The following CLEC5A variants were observed in gnomAD, a reference collection of about 807,000 sequenced individuals.
The protein encoded by CLEC5A is C-type lectin domain containing 5A, also known as C-type lectin domain family 5 member A.
In CLEC5A, 15 loss-of-function variants were observed where a neutral mutation model predicts 24.4. That is an observed-to-expected ratio of 0.62 (90% CI 0.41 to 0.95). The LOEUF (loss-of-function observed/expected upper bound fraction) is 0.95, where lower values mean the gene tolerates loss of function less well. Ranked by LOEUF, CLEC5A falls within the 40% of genes least tolerant of loss-of-function variation. CLEC5A has a pLI of 0.00. For missense variants in CLEC5A, 211 were observed against 224.0 expected (o/e 0.94, Z 0.37); for synonymous variants, 71 against 72.6 (o/e 0.98, Z 0.11).
At chr7:141,942,411 T>G (rs1345871285) in intron 4 of CLEC5A, among the ~76,000 whole-genome samples, 1 of 152,090 alleles carries the variant, frequency 6.6e-6, no homozygotes, top group Non-Finnish European at 1.5e-5. Flanking sequence ...TCTCTTGACA[T>G]ATACAAAAAC....
At chr7:141,945,026 A>G (rs574422491) in intron 3 of CLEC5A, among the ~76,000 whole-genome samples, 36 of 152,128 alleles carry the variant, frequency 2.4e-4, no homozygotes, top group Admixed American at 5.2e-4. Flanking sequence ...AGCTGGTTTA[A>G]TCGGGAGAGG....
In CLEC5A at chr7:141,930,212, G is replaced by C; in HGVS notation, c.459C>G (p.Thr153=). 1.9e-6 allele frequency: 3 copies of C among 1,609,628 alleles called. No homozygotes were observed. The highest frequency in any genetic ancestry group is 1.7e-6 in the Non-Finnish European group (2 of 1,176,174). Reference sequence around the variant, plus strand: ...CACAGTTGAAATTCTGATTCTGATTGGTAACACTAAATGAGAAAACAAAAC... The same window carrying C: ...CACAGTTGAAATTCTGATTCTGATTCGTAACACTAAATGAGAAAACAAAAC... ...INNSVFNGNV[T]NQNQNFNCAT... is the part of the protein sequence containing the mutation. The change falls in exon 7 of 7, where the codon ACC becomes ACG. Residue 153 remains threonine (T), a synonymous_variant. Coordinates refer to ENST00000546910, the MANE Select transcript of CLEC5A (RefSeq NM_013252.3).
At chr7:141,940,148 G>C (rs1554441489) in intron 4 of CLEC5A, among the ~76,000 whole-genome samples, 2 of 152,022 alleles carry the variant, frequency 1.3e-5, no homozygotes, top group African/African-American at 4.8e-5. Flanking sequence ...CTTTTCTTCA[G>C]CATATGGATC....
rs190257713 is a variant in CLEC5A, at chr7:141,929,802, C to T, written c.*302G>A. 6.1e-4 allele frequency: 167 copies of T among 275,578 alleles called. 1 individual carries two copies. Among genetic ancestry groups the T allele is most frequent in the African/African-American group, 3.5e-3 (157 of 44,508 alleles). 17.1% of individuals were successfully genotyped at this position (275,578 alleles called of 1,614,324 possible). A position where few individuals can be genotyped will look rare whatever the true frequency, so the allele number is the denominator to read the frequency against. ...TTACTCCCTAGTAGTATGGTATACT[C>T]TGAGGCTAAAATAAAACAAACCCTG... is the stretch of plus-strand genomic sequence containing the variant. On this transcript the variant is annotated 3_prime_UTR_variant, in exon 7 of 7. Transcript: ENST00000546910.
chr7:141,942,537 C>T (rs782428536), intron 4 of CLEC5A, among the ~76,000 whole-genome samples: 3 of 152,022 alleles, frequency 2.0e-5, no homozygotes, highest in Non-Finnish European at 4.4e-5. Context: ...GAGTAATATC[C>T]CACAAGCACA....
At chr7:141,943,045 C>T (rs782497098) in intron 4 of CLEC5A, among the ~76,000 whole-genome samples, 1 of 152,084 alleles carries the variant, frequency 6.6e-6, no homozygotes, top group Non-Finnish European at 1.5e-5. Context: ...AATAGAACTA[C>T]CACATGGCCC....
chr7:141,938,793 C>A (rs1213065375), intron 4 of CLEC5A, among the ~76,000 whole-genome samples: 4 of 152,130 alleles, frequency 2.6e-5, no homozygotes, highest in African/African-American at 9.7e-5. Flanking sequence ...TGGTAGCAGA[C>A]CCACAGCGTT....
intron 3 of CLEC5A, 121 bp downstream of exon 3, chr7:141,945,220 T>G: frequency 2.5e-6 from 2 of 803,858 alleles, no homozygotes; most frequent in Admixed American, 3.5e-5. Flanking sequence ...AATTAGAAGA[T>G]CTTTATGGAC....
At chr7:141,941,571 T>C (rs1292899664) in intron 4 of CLEC5A, among the ~76,000 whole-genome samples, 1 of 151,974 alleles carries the variant, frequency 6.6e-6, no homozygotes, top group Non-Finnish European at 1.5e-5. Context: ...GCTGGGAGGC[T>C]TAGCTAGAGC....
chr7:141,932,476 T>G (rs1802496476), intron 5 of CLEC5A, among the ~76,000 whole-genome samples: 1 of 152,254 alleles, frequency 6.6e-6, no homozygotes, highest in African/African-American at 2.4e-5. Context: ...TTCCTATACT[T>G]GTCACATACG....
chr7:141,942,351 G>A (rs934611620), intron 4 of CLEC5A, among the ~76,000 whole-genome samples: 2 of 152,178 alleles, frequency 1.3e-5, no homozygotes, highest in East Asian at 1.9e-4. Flanking sequence ...TCAATAAATG[G>A]TTCTGGGACA....
chr7:141,946,328 C>T lies in CLEC5A; in HGVS notation c.-20-16G>A, dbSNP rs1554442147. 1 of 1,551,274 alleles carries T rather than the reference C, an allele frequency of 6.4e-7. No homozygotes were observed. The highest frequency in any genetic ancestry group is 1.4e-5 in the African/African-American group (1 of 73,418). On this transcript the variant is annotated splice_polypyrimidine_tract_variant and intron_variant, in intron 1 of 6. Coordinates refer to ENST00000546910, the MANE Select transcript of CLEC5A (RefSeq NM_013252.3). ...CTGCAGGGGCCTGTGAAGATTAGAGCACAGCAGCATCAGAATTCGGGTACA... is the reference window on the plus strand; with the variant it reads ...CTGCAGGGGCCTGTGAAGATTAGAGTACAGCAGCATCAGAATTCGGGTACA...
chr7:141,935,439 TAC>T (rs2128961040), intron 5 of CLEC5A, among the ~76,000 whole-genome samples: 1 of 152,342 alleles, frequency 6.6e-6, no homozygotes, highest in Non-Finnish European at 1.5e-5. Context: ...ACTGGGATGG[TAC>T]ATTGACATCA....
chr7:141,941,291 G>C (rs1208951494), intron 4 of CLEC5A, among the ~76,000 whole-genome samples: 2 of 152,034 alleles, frequency 1.3e-5, no homozygotes, highest in Non-Finnish European at 2.9e-5. Context: ...CTTAATCAAT[G>C]TAATACATTA....
chr7:141,937,272 C>G (rs1471691206), intron 4 of CLEC5A, among the ~76,000 whole-genome samples: 4 of 151,958 alleles, frequency 2.6e-5, no homozygotes, highest in Non-Finnish European at 4.4e-5. Flanking sequence ...TCTGGACCTG[C>G]CCTGAGCCAG....
intron 4 of CLEC5A, among the ~76,000 whole-genome samples, chr7:141,938,702 C>A (rs982219466): frequency 1.4e-4 from 21 of 152,064 alleles, no homozygotes; most frequent in Non-Finnish European, 2.6e-4. Context: ...ATCAAACCCC[C>A]AAAGTTCAAG....
At chr7:141,936,021 A>G (rs1554441047) in intron 4 of CLEC5A, 71 bp from the exon 5 acceptor site, 3 of 1,244,364 alleles carry the variant, frequency 2.4e-6, no homozygotes, top group Non-Finnish European at 3.5e-6. Flanking sequence ...TAAGTCATGA[A>G]ACAGTGATAC....
chr7:141,935,078 A>G (rs1802579172), intron 5 of CLEC5A, among the ~76,000 whole-genome samples: 1 of 152,150 alleles, frequency 6.6e-6, no homozygotes, highest in East Asian at 1.9e-4. Flanking sequence ...TTGGTCATCT[A>G]TTACCAAGAT....
At chr7:141,934,002 T>C (rs1802543858) in intron 5 of CLEC5A, among the ~76,000 whole-genome samples, 1 of 152,158 alleles carries the variant, frequency 6.6e-6, no homozygotes, top group South Asian at 2.1e-4. Flanking sequence ...ACATTTCACC[T>C]GTGTATGGCC....
Sources: gnomAD v4.1 joint callset for allele counts (sites outside exome capture counted in the v4.1 genomes callset) on GRCh38, gnomAD v4.1.1 for gene constraint, MANE v1.5 for transcripts, NCBI Gene and HGNC (gene_info 2026-07-23, HGNC 2026-07-21) for gene names.